Variants in LGI3 observed in about 807,000 individuals in gnomAD.
LGI3 encodes the protein leucine rich repeat LGI family member 3.
LGI3 carries 47 observed loss-of-function variants against 55.4 expected under a neutral mutation model. The observed-to-expected ratio is 0.85, with a 90% CI of 0.67 to 1.08. The LOEUF (loss-of-function observed/expected upper bound fraction) is 1.08, where lower values mean the gene tolerates loss of function less well. Ranked by LOEUF, LGI3 falls within the 50% of genes least tolerant of loss-of-function variation. The probability of loss-of-function intolerance (pLI) is 0.00; values close to 1 mark genes in which losing one functional copy is unlikely to be tolerated. For missense variants in LGI3, 664 were observed against 726.3 expected (o/e 0.91, Z 0.99); for synonymous variants, 326 against 315.0 (o/e 1.04, Z -0.37).
chr8:22,155,100 C>T, intron 2 of LGI3: 1 of 490,462 alleles, frequency 2.0e-6, no homozygotes, highest in Non-Finnish European at 3.7e-6. Flanking sequence ...TGGGCACTAG[C>T]CCAGGCTATC....
At position 22,154,575 on chromosome 8, in the gene LGI3, G is replaced by T. The variant is rs769376680; in HGVS notation, c.335C>A (p.Ser112Ter). ...LIGDNAFTGL[S>*]HLQYLFIENN... ...TCCCACACACAGATACTGCAGGTGCGACAGTCCTGTGAAGGCGTTGTCTCC... is the reference window on the plus strand; with the variant it reads ...TCCCACACACAGATACTGCAGGTGCTACAGTCCTGTGAAGGCGTTGTCTCC... The change falls in exon 3 of 8, where the codon TCG (serine) becomes TAG (stop). Residue 112 changes from serine (S) to a stop codon, truncating the protein, a stop_gained. Transcript: ENST00000306317. LOFTEE classifies it high-confidence loss of function. 1.9e-6 allele frequency: 3 copies of T among 1,613,910 alleles called. No individual in the cohort carries two copies. In the African/African-American group the frequency reaches 4.0e-5, roughly 22 times the overall value.
At chr8:22,155,345 T>C (rs755519307) in intron 2 of LGI3, 47 bp downstream of exon 2, 1 of 1,573,738 alleles carries the variant, frequency 6.4e-7, no homozygotes, top group Non-Finnish European at 8.7e-7. Context: ...TGTCCCCTGC[T>C]ACCACCCCAT....
chr8:22,154,323 C>T, intron 3 of LGI3, 110 bp from the exon 4 acceptor site: 1 of 964,174 alleles, frequency 1.0e-6, no homozygotes, highest in Middle Eastern at 2.4e-4. Context: ...AGACAGGTTT[C>T]CAAATGGAGT....
rs762892976 is a variant in LGI3, at chr8:22,148,436, C to T, written c.1371G>A (p.Ser457=). The change falls in exon 8 of 8, where the codon TCG becomes TCA. Residue 457 remains serine, a synonymous_variant. Transcript: ENST00000306317. The surrounding 1 kb of genome is among the most constrained non-coding windows in gnomAD (Gnocchi z 7.0). Reference sequence around the variant, plus strand: ...CCCGGGAGGGCAGGGCCTGCACCTCCGAGAAGCGGGTACCCTCCCAGCGCA... The same window carrying T: ...CCCGGGAGGGCAGGGCCTGCACCTCTGAGAAGCGGGTACCCTCCCAGCGCA... ...KILRWEGTRF[S]EVQALPSRGS... 1.5e-5 allele frequency: 24 copies of T among 1,611,966 alleles called. No homozygotes were observed. The highest frequency in any genetic ancestry group is 1.9e-5 in the Non-Finnish European group (22 of 1,179,926).
Position 22,148,301 on chromosome 8 carries a change from A to T in LGI3, c.1506T>A (p.Phe502Leu). The T allele has an allele frequency of 6.2e-7, 1 of 1,614,142 alleles. No homozygotes were observed. The highest frequency in any genetic ancestry group is 8.5e-7 in the Non-Finnish European group (1 of 1,180,006). ...GCACAGCCAGCTCCTGGAACCGTACAAACTTCTGTCGTCCCTCATCCCACT... is the reference window on the plus strand; with the variant it reads ...GCACAGCCAGCTCCTGGAACCGTACTAACTTCTGTCGTCCCTCATCCCACT... ...IYQWDEGRQK[F>L]VRFQELAVQA... is the part of the protein sequence containing the mutation. Residue 502 changes from phenylalanine (F) to leucine (L), a missense_variant, in exon 8 of 8, where the codon TTT becomes TTA. Phe to Leu is a conservative substitution (Grantham distance 22). Transcript: ENST00000306317. This position sits in a 1 kb window ranked among gnomAD's most constrained non-coding sequence, Gnocchi z 7.0.
In LGI3 at chr8:22,151,895, C is replaced by T. The variant is rs754905742; in HGVS notation, c.600G>A (p.Pro200=). 20 of 1,613,260 alleles carry T rather than the reference C, an allele frequency of 1.2e-5. No individual in the cohort carries two copies. The highest frequency in any genetic ancestry group is 3.3e-5 in the Admixed American group (2 of 59,992). Residue 200 remains proline, a synonymous_variant, in exon 6 of 8, where the codon CCG becomes CCA. Transcript: ENST00000306317. ...TTVAPIYCAS[P]PRFQEHKVQD... is the part of the protein sequence containing the mutation. Reference sequence around the variant, plus strand: ...GCACCTTGTGCTCCTGGAAGCGGGGCGGGCTGGCGCAGTAGATGGGTGCCA... The same window carrying T: ...GCACCTTGTGCTCCTGGAAGCGGGGTGGGCTGGCGCAGTAGATGGGTGCCA...
intron 1 of LGI3, 101 bp downstream of exon 1, chr8:22,156,236 G>A (rs1396784455): frequency 9.3e-6 from 12 of 1,284,216 alleles, no homozygotes; most frequent in African/African-American, 3.0e-5. Flanking sequence ...CCTGGTCCCC[G>A]CACTCTGAAG....
In LGI3 at chr8:22,149,091, C is replaced by G. The variant is rs1827346204; in HGVS notation, c.830-114G>C. 8 of 669,006 alleles carry G rather than the reference C, an allele frequency of 1.2e-5. No individual in the cohort carries two copies. In the East Asian group the frequency reaches 2.2e-4, roughly 18 times the overall value. 41.4% of individuals were successfully genotyped at this position (669,006 alleles called of 1,614,324 possible). On this transcript the variant is annotated intron_variant, in intron 7 of 7. Transcript: ENST00000306317. Reference sequence around the variant, plus strand: ...CTTGGGCCAGGACTAAGACTCTGCGCTATACCATTCCACCCACACTGAAGT... The same window carrying G: ...CTTGGGCCAGGACTAAGACTCTGCGGTATACCATTCCACCCACACTGAAGT...
chr8:22,150,709 G>T (rs1030442473), intron 7 of LGI3, among the ~76,000 whole-genome samples: 1 of 151,858 alleles, frequency 6.6e-6, no homozygotes, highest in Non-Finnish European at 1.5e-5. Context: ...CTACTGTCTC[G>T]TGTCCAGGCT....
chr8:22,152,051 G>A, intron 5 of LGI3, 51 bp from the exon 6 acceptor site: 1 of 1,470,802 alleles, frequency 6.8e-7, no homozygotes, highest in African/African-American at 1.4e-5. Context: ...ATGCTCTCAG[G>A]GCTCTGCCTA....
Position 22,148,856 on chromosome 8 carries a change from C to T in LGI3, c.951G>A (p.Arg317=). ...CGCGCTGCGGGTCAATGTCTTGCAG[C>T]CTGGTGAAGCGCGTGGTGTTGGGAT... ...HWDPNTTRFT[R]LQDIDPQRVR... Residue 317 remains arginine (R), a synonymous_variant, in exon 8 of 8, where the codon AGG becomes AGA. Coordinates refer to ENST00000306317, the MANE Select transcript of LGI3 (RefSeq NM_139278.4). This position sits in a 1 kb window ranked among gnomAD's most constrained non-coding sequence, Gnocchi z 7.0. The T allele has an allele frequency of 6.2e-7, 1 of 1,614,182 alleles. No homozygotes were observed. Among genetic ancestry groups the T allele is most frequent in the African/African-American group, 1.3e-5 (1 of 75,058 alleles).
At chr8:22,150,178 C>T (rs1827359012) in intron 7 of LGI3, among the ~76,000 whole-genome samples, 1 of 152,130 alleles carries the variant, frequency 6.6e-6, no homozygotes, top group Non-Finnish European at 1.5e-5. Flanking sequence ...GTTAGTTCCT[C>T]CTTAAATGTT....
At chr8:22,152,100 G>A in intron 5 of LGI3, 100 bp from the exon 6 acceptor site, 1 of 976,228 alleles carries the variant, frequency 1.0e-6, no homozygotes, top group Non-Finnish European at 1.5e-6. Context: ...AGCTGGTCAA[G>A]GCTGCTGCAA....
chr8:22,148,143 A>G lies in LGI3; in HGVS notation c.*17T>C, dbSNP rs1307392702. Reference sequence around the variant, plus strand: ...CTCCAGTGGCCACCCTGAGGAGACCAGAGGCCTCGGCACCCCCTAGGCACT... The same window carrying G: ...CTCCAGTGGCCACCCTGAGGAGACCGGAGGCCTCGGCACCCCCTAGGCACT... On this transcript the variant is annotated 3_prime_UTR_variant, in exon 8 of 8. Coordinates refer to ENST00000306317, the MANE Select transcript of LGI3 (RefSeq NM_139278.4). The surrounding 1 kb of genome is among the most constrained non-coding windows in gnomAD (Gnocchi z 7.0). The G allele has an allele frequency of 1.3e-6, 2 of 1,558,976 alleles. No homozygotes were observed. The highest frequency in any genetic ancestry group is 2.7e-5 in the African/African-American group (2 of 73,222).
intron 7 of LGI3, among the ~76,000 whole-genome samples, chr8:22,150,560 G>A (rs373571437): frequency 3.3e-5 from 5 of 151,930 alleles, no homozygotes; most frequent in Non-Finnish European, 4.4e-5. Flanking sequence ...GGGTTTCACC[G>A]TGTTAGCCAG....
At chr8:22,155,625 A>T in intron 1 of LGI3, 162 bp from the exon 2 acceptor site, 1 of 637,780 alleles carries the variant, frequency 1.6e-6, no homozygotes, top group East Asian at 2.8e-5. Context: ...TCTCCTCCCA[A>T]ATTCACTGCC....
At chr8:22,150,821 C>A (rs1352604508) in intron 7 of LGI3, among the ~76,000 whole-genome samples, 1 of 151,892 alleles carries the variant, frequency 6.6e-6, no homozygotes, top group African/African-American at 2.4e-5. Flanking sequence ...TTCTAAAATG[C>A]AGACTGGATC....
At position 22,148,813 on chromosome 8, in the gene LGI3, G is replaced by T. The variant is rs1563207923; in HGVS notation, c.994C>A (p.Leu332Ile). The T allele has an allele frequency of 4.3e-6, 7 of 1,614,096 alleles. No individual in the cohort carries two copies. In the African/African-American group the frequency reaches 8.0e-5, roughly 18 times the overall value. Residue 332 changes from leucine to isoleucine, a missense_variant, in exon 8 of 8, where the codon CTA becomes ATA. Leu to Ile is a conservative substitution (Grantham distance 5). Transcript: ENST00000306317. The surrounding 1 kb of genome is among the most constrained non-coding windows in gnomAD (Gnocchi z 7.0). ...TCACCGTCGATGCGGAAGGCTTCTAGGTCGTTAGGCTTGCGCACGCGCTGC... is the reference window on the plus strand; with the variant it reads ...TCACCGTCGATGCGGAAGGCTTCTATGTCGTTAGGCTTGCGCACGCGCTGC... ...DPQRVRKPNDLEAFRIDGDWY... is the reference protein window; with the variant it reads ...DPQRVRKPNDIEAFRIDGDWY...
chr8:22,156,287 C>T (rs1485757613), intron 1 of LGI3, 50 bp downstream of exon 1: 1 of 1,592,170 alleles, frequency 6.3e-7, no homozygotes, highest in Non-Finnish European at 8.5e-7. Flanking sequence ...CAGAGCTGTC[C>T]TCGGCCTCCT....
Sources: gnomAD v4.1 joint callset for allele counts (sites outside exome capture counted in the v4.1 genomes callset) on GRCh38, gnomAD v4.1.1 for gene constraint, Gnocchi (gnomAD v3.1) non-coding constraint, MANE v1.5 for transcripts, NCBI Gene and HGNC (gene_info 2026-07-23, HGNC 2026-07-21) for gene names.